CNBD1: variants seen among roughly 807,000 people sequenced by gnomAD.
The protein encoded by CNBD1 is cyclic nucleotide binding domain containing 1, also known as cyclic nucleotide-binding domain-containing protein 1.
Under a neutral mutation model 54.4 loss-of-function variants are expected in CNBD1, and 71 were observed. The ratio of observed to expected loss-of-function variants is 1.30; its 90% CI spans 1.08 to 1.59. CNBD1 has a LOEUF of 1.59. Among genes scored for constraint, CNBD1 ranks in the 40% most tolerant of loss-of-function variants. The pLI is 0.00. For synonymous variants in CNBD1, 182 were observed against 170.7 expected (o/e 1.07, Z -0.51); for missense variants, 659 against 518.0 (o/e 1.27, Z -2.64).
At chr8:87,151,771 G>A (rs1812609360) in intron 4 of CNBD1, among the ~76,000 whole-genome samples, 1 of 152,036 alleles carries the variant, frequency 6.6e-6, no homozygotes, top group African/African-American at 2.4e-5. Context: ...TATTTTGAAA[G>A]GCTGTATTAT....
rs986863464 is a variant in CNBD1, at chr8:87,171,639, T to TC, written c.432-34353dup. On this transcript the variant is annotated intron_variant, in intron 4 of 10. Transcript: ENST00000518476. ...TGAAGTTTTTCTTTTTCTTTTTCTT[T>TC]CTTTTTTTTTCTTTTTTGAGGCAGA... 9.9e-5 allele frequency among the ~76,000 whole-genome samples: 15 copies of TC among 151,864 alleles called. 1 individual carries two copies. The highest frequency in any genetic ancestry group is 3.4e-4 in the African/African-American group (14 of 41,434).
intron 4 of CNBD1, among the ~76,000 whole-genome samples, chr8:86,963,011 T>C (rs1807972073): frequency 6.6e-6 from 1 of 152,074 alleles, no homozygotes; most frequent in Non-Finnish European, 1.5e-5. Context: ...AGGCTGAAAA[T>C]GATTCACTGG....
chr8:87,148,407 A>G (rs1187642096), intron 4 of CNBD1, among the ~76,000 whole-genome samples: 4 of 152,226 alleles, frequency 2.6e-5, no homozygotes, highest in Admixed American at 6.5e-5. Context: ...GTGATTTACC[A>G]TGGCAAATCC....
intron 4 of CNBD1, among the ~76,000 whole-genome samples, chr8:86,962,585 A>G (rs1807958624): frequency 6.6e-6 from 1 of 152,090 alleles, no homozygotes; most frequent in African/African-American, 2.4e-5. Flanking sequence ...GGAGATCAAG[A>G]CCATCCTGGC....
chr8:87,277,544 A>T (rs1808509485), intron 6 of CNBD1, among the ~76,000 whole-genome samples: 1 of 151,720 alleles, frequency 6.6e-6, no homozygotes, highest in Non-Finnish European at 1.5e-5. Context: ...CAAATTTAAG[A>T]AGTAGAACTT....
At chr8:86,943,695 A>T (rs1413382780) in intron 4 of CNBD1, among the ~76,000 whole-genome samples, 1 of 152,074 alleles carries the variant, frequency 6.6e-6, no homozygotes, top group Admixed American at 6.6e-5. Flanking sequence ...CCCCTTTTTA[A>T]AATTTTGTTT....
At chr8:87,090,736 T>G (rs946130250) in intron 4 of CNBD1, among the ~76,000 whole-genome samples, 2 of 152,240 alleles carry the variant, frequency 1.3e-5, no homozygotes, top group African/African-American at 4.8e-5. Context: ...TTGAGTTTGT[T>G]ACATATTTTT....
chr8:86,924,395 G>A (rs1809324765), intron 3 of CNBD1, among the ~76,000 whole-genome samples: 1 of 152,172 alleles, frequency 6.6e-6, no homozygotes, highest in South Asian at 2.1e-4. Context: ...GAGTCATCAA[G>A]ATGAGGGTGT....
At chr8:87,335,496 A>C (rs1402495615) in intron 8 of CNBD1, among the ~76,000 whole-genome samples, 3 of 152,254 alleles carry the variant, frequency 2.0e-5, no homozygotes, top group East Asian at 3.9e-4. Flanking sequence ...GTTGATTAAA[A>C]GTCTGTTTTA....
intron 2 of CNBD1, among the ~76,000 whole-genome samples, chr8:87,390,869 A>C (rs189053942): frequency 6.6e-6 from 1 of 152,240 alleles, no homozygotes; most frequent in East Asian, 1.9e-4. Context: ...AGACTGGATT[A>C]AGAAAATATG....
chr8:86,891,298 C>T (rs947278357), intron 2 of CNBD1, among the ~76,000 whole-genome samples: 4 of 152,060 alleles, frequency 2.6e-5, no homozygotes, highest in African/African-American at 9.7e-5. Context: ...TTTCATTCTT[C>T]TGCTGTGGAT....
At chr8:87,202,225 A>C (rs993697648) in intron 4 of CNBD1, among the ~76,000 whole-genome samples, 1 of 152,108 alleles carries the variant, frequency 6.6e-6, no homozygotes, top group Non-Finnish European at 1.5e-5. Context: ...ACAGTAACTG[A>C]CTGAATTCTG....
chr8:87,023,034 G>T (rs1661672685), intron 4 of CNBD1, among the ~76,000 whole-genome samples: 1 of 152,006 alleles, frequency 6.6e-6, no homozygotes. Flanking sequence ...TTATATAAAA[G>T]GAAATGAGAC....
intron 3 of CNBD1, among the ~76,000 whole-genome samples, chr8:86,918,150 TA>T (rs1191199658): frequency 2.6e-5 from 4 of 152,168 alleles, no homozygotes; most frequent in Non-Finnish European, 5.9e-5. Context: ...ACTGTCTCTT[TA>T]AAACATGCAA....
chr8:87,420,890 G>T (rs909784253), intron 2 of CNBD1, among the ~76,000 whole-genome samples: 1 of 150,498 alleles, frequency 6.6e-6, no homozygotes, highest in African/African-American at 2.4e-5. Flanking sequence ...TGATCCTTTT[G>T]TATCTCCCTC....
chr8:86,988,885 G>A (rs1464716819), intron 4 of CNBD1, among the ~76,000 whole-genome samples: 1 of 152,072 alleles, frequency 6.6e-6, no homozygotes, highest in Non-Finnish European at 1.5e-5. Context: ...GTACTCCATT[G>A]TGTCCAGGTA....
downstream of CNBD1, among the ~76,000 whole-genome samples, chr8:87,386,382 T>C (rs955449331): frequency 6.6e-6 from 1 of 151,664 alleles, no homozygotes; most frequent in Non-Finnish European, 1.5e-5. Context: ...ATTAGATGAA[T>C]GGCTAACGAG....
At chr8:87,329,565 T>C (rs1030145425) in intron 8 of CNBD1, among the ~76,000 whole-genome samples, 1 of 152,150 alleles carries the variant, frequency 6.6e-6, no homozygotes, top group Non-Finnish European at 1.5e-5. Flanking sequence ...ATAGTACTTC[T>C]TTGATATATT....
intron 6 of CNBD1, among the ~76,000 whole-genome samples, chr8:87,274,033 T>A (rs1177931293): frequency 2.6e-5 from 4 of 151,530 alleles, no homozygotes; most frequent in Admixed American, 2.6e-4. Flanking sequence ...TGGTTTTTTG[T>A]TCTTGCGATA....
Sources: allele counts gnomAD v4.1 joint callset (sites outside exome capture counted in the v4.1 genomes callset), GRCh38; gene constraint gnomAD v4.1.1; transcripts MANE v1.5; gene names NCBI Gene and HGNC (gene_info 2026-07-23, HGNC 2026-07-21).